The following CTNND2 variants were observed in gnomAD, a reference collection of about 807,000 sequenced individuals.
CTNND2 encodes the protein catenin delta-2.
In CTNND2, 22 loss-of-function variants were observed where a neutral mutation model predicts 144.4. That is an observed-to-expected ratio of 0.15 (90% CI 0.11 to 0.22). The LOEUF is 0.22. Ranked by LOEUF, CTNND2 falls within the 10% of genes least tolerant of loss-of-function variation. The pLI, the probability that CTNND2 is intolerant of heterozygous loss-of-function variation, is 1.00. For missense variants in CTNND2, 1,353 were observed against 1,618.8 expected (o/e 0.84, Z 2.82); for synonymous variants, 751 against 695.6 (o/e 1.08, Z -1.25).
chr5:11,441,720 C>T (rs1228509127), intron 3 of CTNND2, among the ~76,000 whole-genome samples: 3 of 146,398 alleles, frequency 2.0e-5, no homozygotes, highest in African/African-American at 7.6e-5. Context: ...AGGATTAATA[C>T]CCTGTCTCAC....
chr5:11,889,615 G>A (rs951492668), intron 1 of CTNND2, among the ~76,000 whole-genome samples: 1 of 152,200 alleles, frequency 6.6e-6, no homozygotes, highest in Non-Finnish European at 1.5e-5. Context: ...GGGATTTCAT[G>A]ATAGTGGAGT....
At chr5:11,538,257 G>A (rs1774402767) in intron 3 of CTNND2, among the ~76,000 whole-genome samples, 1 of 152,196 alleles carries the variant, frequency 6.6e-6, no homozygotes, top group South Asian at 2.1e-4. Flanking sequence ...GGGAGAGTGG[G>A]AAGAAGGAAT....
intron 3 of CTNND2, among the ~76,000 whole-genome samples, chr5:11,558,571 T>C (rs367965725): frequency 3.3e-5 from 5 of 152,180 alleles, no homozygotes; most frequent in African/African-American, 1.2e-4. Context: ...AGTTTCACCA[T>C]GTTGCCCAGG....
At position 11,335,617 on chromosome 5, in the gene CTNND2, T is replaced by A. The variant is rs549921148; in HGVS notation, c.1628+10755A>T. 5.3e-5 allele frequency among the ~76,000 whole-genome samples: 8 copies of A among 152,278 alleles called. No individual in the cohort carries two copies. In the East Asian group the frequency reaches 1.5e-3, roughly 29 times the overall value. ...TTGAAGAATAAGGGAAGGAAGCTCT[T>A]TTAGGAACTGAGGCAGGAGAATAGG... On this transcript the variant is annotated intron_variant, in intron 9 of 21. Coordinates refer to ENST00000304623, the MANE Select transcript of CTNND2 (RefSeq NM_001332.4).
At chr5:11,361,457 G>GT (rs1347181777) in intron 8 of CTNND2, among the ~76,000 whole-genome samples, 1 of 152,190 alleles carries the variant, frequency 6.6e-6, no homozygotes, top group African/African-American at 2.4e-5. Flanking sequence ...TGGCCAGCCT[G>GT]TGTGAAGGTT....
rs944425138 is a variant in CTNND2, at chr5:11,775,479, C to T, written c.38-43207G>A. Among the ~76,000 whole-genome samples the T allele has an allele frequency of 6.6e-5, 10 of 152,224 alleles. No homozygotes were observed. The East Asian group carries it at 7.7e-4, about 12-fold the overall frequency. ...TCAATAACTGTCTAGCATGTCCCCC[C>T]ATTGCACTGTCCCCAACTCTCTTGC... is the stretch of plus-strand genomic sequence containing the variant. On this transcript the variant is annotated intron_variant, in intron 1 of 21. Coordinates refer to ENST00000304623, the MANE Select transcript of CTNND2 (RefSeq NM_001332.4).
At position 11,474,348 on chromosome 5, in the gene CTNND2, C is replaced by T. The variant is rs575503283; in HGVS notation, c.288-62279G>A. Among the ~76,000 whole-genome samples the T allele has an allele frequency of 3.3e-5, 5 of 152,260 alleles. No homozygotes were observed. The South Asian group carries it at 1.0e-3, about 32-fold the overall frequency. On this transcript the variant is annotated intron_variant, in intron 3 of 21. Transcript: ENST00000304623. ...CAAGGCTTAGCAAAGATCTTCTAATCTAGTTAGGGGCAACAGAAAAGCACT... is the reference window on the plus strand; with the variant it reads ...CAAGGCTTAGCAAAGATCTTCTAATTTAGTTAGGGGCAACAGAAAAGCACT...
At chr5:11,159,932 T>C (rs900699775) in intron 11 of CTNND2, among the ~76,000 whole-genome samples, 173 bp from the exon 12 acceptor site, 1 of 152,212 alleles carries the variant, frequency 6.6e-6, no homozygotes, top group Admixed American at 6.5e-5. Flanking sequence ...ATTAAAAGCA[T>C]TCTGTGAAAA....
rs549587361 is a variant in CTNND2, at chr5:10,997,364, C to T, written c.3085-4687G>A. ...ATCCCAGCACTTTGGGAGGCCGAGG[C>T]GGGCAGATCACGAGGTCAAGAGATC... On this transcript the variant is annotated intron_variant, in intron 18 of 21. Transcript: ENST00000304623. Among the ~76,000 whole-genome samples, 7 of 152,168 alleles carry T rather than the reference C, an allele frequency of 4.6e-5. No individual in the cohort carries two copies. In the South Asian group the frequency reaches 8.3e-4, roughly 18 times the overall value.
intron 2 of CTNND2, among the ~76,000 whole-genome samples, chr5:11,632,310 G>A (rs1046960399): frequency 2.0e-5 from 3 of 152,172 alleles, no homozygotes; most frequent in African/African-American, 7.2e-5. Context: ...AGACAGCCTA[G>A]CTAAAACCAG....
At chr5:11,206,873 C>T (rs772368478) in intron 10 of CTNND2, among the ~76,000 whole-genome samples, 4 of 152,130 alleles carry the variant, frequency 2.6e-5, no homozygotes, top group Non-Finnish European at 4.4e-5. Context: ...ACCATGTTCC[C>T]AGGTTTAAAG....
intron 2 of CTNND2, among the ~76,000 whole-genome samples, chr5:11,653,920 T>C (rs1782781446): frequency 6.6e-6 from 1 of 152,072 alleles, no homozygotes; most frequent in Non-Finnish European, 1.5e-5. Flanking sequence ...TTTTTATGTA[T>C]GGTTTAAGAT....
At chr5:11,690,464 C>T (rs962118709) in intron 2 of CTNND2, among the ~76,000 whole-genome samples, 8 of 152,120 alleles carry the variant, frequency 5.3e-5, no homozygotes, top group African/African-American at 1.7e-4. Flanking sequence ...ATATTAGAGG[C>T]TCTCACTTAA....
At chr5:11,644,133 T>C (rs1307060755) in intron 2 of CTNND2, among the ~76,000 whole-genome samples, 4 of 151,996 alleles carry the variant, frequency 2.6e-5, no homozygotes, top group African/African-American at 9.7e-5. Flanking sequence ...TTCTCCACAG[T>C]GGGAGAGTTT....
At chr5:11,327,631 T>C (rs887967752) in intron 9 of CTNND2, among the ~76,000 whole-genome samples, 2 of 152,174 alleles carry the variant, frequency 1.3e-5, no homozygotes, top group Admixed American at 6.5e-5. Flanking sequence ...ATGTTATAAT[T>C]ACAAGCAGAT....
chr5:11,729,831 A>G lies in CTNND2; in HGVS notation c.174+2305T>C, dbSNP rs142862860. 8.6e-3 allele frequency among the ~76,000 whole-genome samples: 1,316 copies of G among 152,224 alleles called. 20 individuals are homozygous for G. Among genetic ancestry groups the G allele is most frequent in the African/African-American group, 0.031 (1,268 of 41,550 alleles). ...AGAATGTGGATTCCTCCAAGCCTTA[A>G]CTCTTACCTAGCATACAATATAAAC... On this transcript the variant is annotated intron_variant, in intron 2 of 21. Transcript: ENST00000304623.
intron 3 of CTNND2, among the ~76,000 whole-genome samples, chr5:11,559,581 T>C (rs1432097521): frequency 6.6e-6 from 1 of 152,174 alleles, no homozygotes; most frequent in Non-Finnish European, 1.5e-5. Flanking sequence ...CTATGATATC[T>C]TGCCTGCTTG....
chr5:10,992,314 G>T (rs1239520469), intron 19 of CTNND2, among the ~76,000 whole-genome samples: 2 of 152,192 alleles, frequency 1.3e-5, no homozygotes, highest in African/African-American at 4.8e-5. Flanking sequence ...CTGAATTCAG[G>T]TTCATTACGT....
intron 3 of CTNND2, among the ~76,000 whole-genome samples, chr5:11,541,828 T>C (rs561715033): frequency 1.4e-5 from 2 of 147,836 alleles, no homozygotes; most frequent in Non-Finnish European, 3.0e-5. Flanking sequence ...CAACTTATTA[T>C]TTATTATCGA....
Sources: gnomAD v4.1 joint callset for allele counts (sites outside exome capture counted in the v4.1 genomes callset) on GRCh38, gnomAD v4.1.1 for gene constraint, MANE v1.5 for transcripts, NCBI Gene and HGNC (gene_info 2026-07-23, HGNC 2026-07-21) for gene names.